PSMG1: variants seen among roughly 807,000 people sequenced by gnomAD.
PSMG1 encodes Down syndrome critical region gene 2.
In PSMG1, 23 loss-of-function variants were observed where a neutral mutation model predicts 37.2. The observed-to-expected ratio is 0.62, with a 90% CI of 0.44 to 0.88. The LOEUF (loss-of-function observed/expected upper bound fraction) is 0.88, where lower values mean the gene tolerates loss of function less well. Ranked by LOEUF, PSMG1 falls within the 40% of genes least tolerant of loss-of-function variation. PSMG1 has a pLI of 0.00. For missense variants in PSMG1, 340 were observed against 344.2 expected, an observed-to-expected ratio of 0.99 and a Z score of 0.10; for synonymous variants, 127 against 128.0, an observed-to-expected ratio of 0.99 and a Z score of 0.05.
rs762692676 is a variant in PSMG1 at position 39,183,244 on chromosome 21, T to A, written c.134+8A>T. On this transcript the variant is annotated splice_region_variant and intron_variant, in intron 1 of 6. Transcript: ENST00000331573. ...GGTGAGCGCGCTGCCCTTATCCCGG[T>A]GCCTCACCTCTTCCGCGCCAGCTGC... 5.1e-6 allele frequency: 8 copies of A among 1,578,448 alleles called. No homozygotes were observed. Among genetic ancestry groups the A allele is most frequent in the Non-Finnish European group, 6.0e-6 (7 of 1,166,642 alleles).
Position 39,177,586 on chromosome 21 carries a change from G to GA in PSMG1, c.656-16dup, listed in dbSNP as rs763315793. On this transcript the variant is annotated splice_polypyrimidine_tract_variant and intron_variant, in intron 5 of 6. Coordinates refer to ENST00000331573, the MANE Select transcript of PSMG1 (RefSeq NM_003720.4). ...GTAGCTTAGAACTATGAATACACAA[G>GA]AAAAAAAAACGATGTAAGTTTTCTA... 3.4e-3 allele frequency: 4,876 copies of GA among 1,439,636 alleles called. 2 individuals carry two copies. Among genetic ancestry groups the GA allele is most frequent in the South Asian group, 7.6e-3 (515 of 67,814 alleles). 89.2% of individuals were successfully genotyped at this position (1,439,636 alleles called of 1,614,324 possible). A position where few individuals can be genotyped will look rare whatever the true frequency, so the allele number is the denominator to read the frequency against.
At position 39,180,353 on chromosome 21, in the gene PSMG1, T is replaced by C. The variant is rs1468065603; in HGVS notation, c.325A>G (p.Thr109Ala). 3 of 1,613,152 alleles carry C rather than the reference T, an allele frequency of 1.9e-6. No individual in the cohort carries two copies. The highest frequency in any genetic ancestry group is 2.7e-5 in the African/African-American group (2 of 74,878). Residue 109 changes from threonine (T) to alanine (A), a missense_variant, in exon 3 of 7, where the codon ACA becomes GCA. By Grantham distance (58) the Thr-to-Ala change is moderately conservative (BLOSUM62 0). Coordinates refer to ENST00000331573, the MANE Select transcript of PSMG1 (RefSeq NM_003720.4). ...AKLWNEWCRT[T>A]DTTHLSSTEA... ...GTGGAGGACAGATGTGTAGTGTCTG[T>C]TGTTCTACACCATTCATTCCAGAGT...
upstream of PSMG1, chr21:39,183,452 C>T (rs1015206762): frequency 2.2e-5 from 33 of 1,487,348 alleles, no homozygotes; most frequent in Non-Finnish European, 1.2e-5. Flanking sequence ...TGCGCGAGAC[C>T]ACGCTCCCTC....
Position 39,180,336 on chromosome 21 carries a change from C to T in PSMG1, c.342G>A (p.Leu114=), listed in dbSNP as rs760897595. 4 of 1,612,536 alleles carry T rather than the reference C, an allele frequency of 2.5e-6. No homozygotes were observed. The East Asian group carries it at 8.9e-5, about 36-fold the overall frequency. ...EWCRTTDTTH[L]SSTEAFCVFY... ...ACACACAAAAAGCCTCTGTGGAGGA[C>T]AGATGTGTAGTGTCTGTTGTTCTAC... Residue 114 remains leucine (L), a synonymous_variant, in exon 3 of 7, where the codon CTG becomes CTA. Coordinates refer to ENST00000331573, the MANE Select transcript of PSMG1 (RefSeq NM_003720.4).
At chr21:39,182,620 G>A (rs2030886431) in intron 1 of PSMG1, among the ~76,000 whole-genome samples, 1 of 152,204 alleles carries the variant, frequency 6.6e-6, no homozygotes, top group Non-Finnish European at 1.5e-5. Flanking sequence ...CATGATGACT[G>A]GAATTCGCTT....
Position 39,177,542 on chromosome 21 carries a change from G to A in PSMG1, c.685C>T (p.Pro229Ser). The A allele has an allele frequency of 6.3e-7, 1 of 1,588,034 alleles. No homozygotes were observed. ...GTATAACACAAGTACAGAATTGCTG[G>A]GATTTTCCATACTTGACAGTAGCTT... ...VLSYCQVWKI[P>S]AILYLCYTDV... is the part of the protein sequence containing the mutation. Residue 229 changes from proline (P) to serine (S), a missense_variant, in exon 6 of 7, where the codon CCA becomes TCA. By Grantham distance (74) the Pro-to-Ser change is moderately conservative. Transcript: ENST00000331573.
chr21:39,180,226 T>C, intron 3 of PSMG1, 59 bp downstream of exon 3: 2 of 1,519,008 alleles, frequency 1.3e-6, no homozygotes, highest in Non-Finnish European at 1.8e-6. Context: ...ATACTACCAG[T>C]AAATAACATG....
chr21:39,180,249 A>C (rs190807064), intron 3 of PSMG1, 36 bp downstream of exon 3: 6 of 1,548,578 alleles, frequency 3.9e-6, no homozygotes, highest in Middle Eastern at 1.7e-4. Flanking sequence ...AGTGATACTT[A>C]AATAACTGCT....
rs755701822 is a variant in PSMG1, at chr21:39,180,392, C to A, written c.286G>T (p.Val96Phe). 1.2e-6 allele frequency: 2 copies of A among 1,608,544 alleles called. No individual in the cohort carries two copies. The highest frequency in any genetic ancestry group is 2.2e-5 in the South Asian group (2 of 89,780). The part of the protein sequence containing the change: ...FVMNSGVWEE[V>F]GCAKLWNEWC... ...TCATTCCAGAGTTTAGCACAACCAA[C>A]TTCCTCCCAGACTCCTGAATTCATA... The change falls in exon 3 of 7, where the codon GTT becomes TTT. Residue 96 changes from valine (V) to phenylalanine (F), a missense_variant. Physicochemically the swap from Val to Phe is conservative, Grantham distance 50. Coordinates refer to ENST00000331573, the MANE Select transcript of PSMG1 (RefSeq NM_003720.4).
chr21:39,183,238 T>G lies in PSMG1; in HGVS notation c.134+14A>C. 6.4e-7 allele frequency: 1 copy of G among 1,572,220 alleles called. No homozygotes were observed. Among genetic ancestry groups the G allele is most frequent in the Admixed American group, 1.8e-5 (1 of 56,936 alleles). ...AGCTGCGGTGAGCGCGCTGCCCTTA[T>G]CCCGGTGCCTCACCTCTTCCGCGCC... is the stretch of plus-strand genomic sequence containing the variant. On this transcript the variant is annotated intron_variant, in intron 1 of 6. Coordinates refer to ENST00000331573, the MANE Select transcript of PSMG1 (RefSeq NM_003720.4).
intron 4 of PSMG1, among the ~76,000 whole-genome samples, chr21:39,179,010 T>C (rs1055268688): frequency 3.3e-5 from 5 of 152,142 alleles, no homozygotes; most frequent in Admixed American, 2.6e-4. Flanking sequence ...CACCACCCTG[T>C]TGGTGATACG....
intron 6 of PSMG1, among the ~76,000 whole-genome samples, 154 bp downstream of exon 6, chr21:39,177,281 A>C (rs1016687607): frequency 6.6e-6 from 1 of 152,252 alleles, no homozygotes; most frequent in African/African-American, 2.4e-5. Flanking sequence ...AGATGATGAC[A>C]ATCAAATTCA....
chr21:39,177,722 T>C (rs1462914400), intron 5 of PSMG1, 151 bp from the exon 6 acceptor site: 1 of 505,240 alleles, frequency 2.0e-6, no homozygotes, highest in Non-Finnish European at 3.1e-6. Flanking sequence ...GAACCAATTA[T>C]AATGAAGATT....
chr21:39,177,350 G>T, intron 6 of PSMG1, 85 bp downstream of exon 6: 1 of 1,293,610 alleles, frequency 7.7e-7, no homozygotes, highest in Non-Finnish European at 1.0e-6. Flanking sequence ...ATTGCTTAGG[G>T]TTTAAAATGA....
At chr21:39,175,764 A>C in intron 6 of PSMG1, 100 bp from the exon 7 acceptor site, 1 of 784,328 alleles carries the variant, frequency 1.3e-6, no homozygotes, top group South Asian at 1.5e-5. Flanking sequence ...CTCGAGACTT[A>C]AAAACAGCCA....
Position 39,183,278 on chromosome 21 carries a change from C to T in PSMG1, c.108G>A (p.Glu36=), listed in dbSNP as rs867320948. ...TCTTCCGCGCCAGCTGCAGACGCAC[C>T]TCCCTGTCCTCGGGCGTCTCCCTCC... is the stretch of plus-strand genomic sequence containing the variant. The part of the protein sequence containing the change: ...EGRRETPEDR[E]VRLQLARKRE... The change falls in exon 1 of 7, where the codon GAG becomes GAA. Residue 36 remains glutamate (E), a synonymous_variant. Coordinates refer to ENST00000331573, the MANE Select transcript of PSMG1 (RefSeq NM_003720.4). 6.3e-7 allele frequency: 1 copy of T among 1,587,642 alleles called. No homozygotes were observed. Among genetic ancestry groups the T allele is most frequent in the South Asian group, 1.1e-5 (1 of 87,690 alleles).
At chr21:39,180,570 C>G in intron 2 of PSMG1, 134 bp from the exon 3 acceptor site, 1 of 815,606 alleles carries the variant, frequency 1.2e-6, no homozygotes, top group Non-Finnish European at 1.7e-6. Context: ...CTAATACCAC[C>G]ATTATACAGA....
rs2030948542 is a variant in PSMG1, at chr21:39,183,368, G to A, written c.18C>T (p.Phe6=). ...GGCACGGCGCCTTCACCACCTCTCC[G>A]AAGAACGTGGCCGCCATAGCCGCCC... MAATF[F]GEVVKAPCRA... Residue 6 remains phenylalanine, a synonymous_variant, in exon 1 of 7, where the codon TTC becomes TTT. Transcript: ENST00000331573. 3.2e-6 allele frequency: 5 copies of A among 1,574,052 alleles called. No individual in the cohort carries two copies. The highest frequency in any genetic ancestry group is 4.3e-6 in the Non-Finnish European group (5 of 1,164,032).
chr21:39,177,971 C>T (rs1569141768), intron 5 of PSMG1, among the ~76,000 whole-genome samples: 1 of 152,138 alleles, frequency 6.6e-6, no homozygotes, highest in South Asian at 2.1e-4. Flanking sequence ...TATTTTAATA[C>T]AGTTCATATA....
Sources: gnomAD v4.1 joint callset for allele counts (sites outside exome capture counted in the v4.1 genomes callset) on GRCh38, gnomAD v4.1.1 for gene constraint, MANE v1.5 for transcripts, NCBI Gene and HGNC (gene_info 2026-07-23, HGNC 2026-07-21) for gene names.